Variants in KCTD1 observed in about 807,000 individuals in gnomAD.
KCTD1 encodes the protein BTB/POZ domain-containing protein KCTD1.
In KCTD1, 24 loss-of-function variants were observed where a neutral mutation model predicts 66.0. The observed-to-expected ratio is 0.36, with a 90% CI of 0.26 to 0.51. KCTD1 has a LOEUF of 0.51. Among genes scored for constraint, KCTD1 ranks in the 20% least tolerant of loss-of-function variants. The pLI is 0.95. For synonymous variants in KCTD1, 511 were observed against 517.2 expected (o/e 0.99, Z 0.16); for missense variants, 943 against 1,205.2 (o/e 0.78, Z 3.22).
At chr18:26,624,366 A>C (rs1023236391) in intron 1 of KCTD1, among the ~76,000 whole-genome samples, 3 of 152,190 alleles carry the variant, frequency 2.0e-5, no homozygotes, top group Admixed American at 2.0e-4. Flanking sequence ...CCAGAGGCCT[A>C]AGAGGGAAAA....
At chr18:26,634,172 T>C (rs1013604547), upstream of KCTD1, among the ~76,000 whole-genome samples, 3 of 151,920 alleles carry the variant, frequency 2.0e-5, no homozygotes, top group African/African-American at 7.3e-5. Flanking sequence ...TTATTCAGGG[T>C]GGCAAAAAAG....
At chr18:26,591,171 A>G (rs1986593381) in intron 1 of KCTD1, among the ~76,000 whole-genome samples, 1 of 152,044 alleles carries the variant, frequency 6.6e-6, no homozygotes, top group South Asian at 2.1e-4. Flanking sequence ...AACTACAAGT[A>G]CATACCACTA....
At chr18:26,626,397 T>C (rs541501211) in intron 1 of KCTD1, among the ~76,000 whole-genome samples, 2 of 150,688 alleles carry the variant, frequency 1.3e-5, no homozygotes, top group African/African-American at 4.9e-5. Context: ...AACAACAAAA[T>C]GATAGAGACA....
At chr18:26,597,100 G>A (rs932094483) in intron 1 of KCTD1, among the ~76,000 whole-genome samples, 4 of 152,130 alleles carry the variant, frequency 2.6e-5, no homozygotes, top group Non-Finnish European at 5.9e-5. Context: ...CTTGTTGTAG[G>A]AATAGGAGTC....
At position 26,554,969 on chromosome 18, in the gene KCTD1, T is replaced by C. The variant is rs149078872; in HGVS notation, c.-15-53719A>G. Among the ~76,000 whole-genome samples, 825 of 152,330 alleles carry C rather than the reference T, an allele frequency of 5.4e-3. 6 individuals carry two copies. The highest frequency in any genetic ancestry group is 7.0e-3 in the Non-Finnish European group (479 of 68,026). On this transcript the variant is annotated intron_variant, in intron 1 of 4. Transcript: ENST00000317932. ...AGAATGATAGTCATTTCTTTCTCTA[T>C]CTTCTAGTTGTATATATTGGTAAAA...
At chr18:26,501,027 A>G in intron 2 of KCTD1, 45 bp downstream of exon 2, 1 of 1,592,250 alleles carries the variant, frequency 6.3e-7, no homozygotes, top group Non-Finnish European at 8.6e-7. Context: ...ACAGGTTACC[A>G]AATACATGCA....
At chr18:26,460,040 A>G (rs1436168703) in intron 3 of KCTD1, 115 bp from the exon 4 acceptor site, 12 of 769,764 alleles carry the variant, frequency 1.6e-5, no homozygotes, top group Non-Finnish European at 2.3e-5. Context: ...TCAAATCTGC[A>G]TGTGCGTTTT....
In KCTD1 at chr18:26,543,892, T is replaced by C. The variant is rs111253379; in HGVS notation, c.1809+2836A>G. 2.0e-5 allele frequency: 3 copies of C among 152,362 alleles called. No individual in the cohort carries two copies. In the South Asian group the frequency reaches 6.2e-4, roughly 32 times the overall value. 9.4% of individuals were successfully genotyped at this position (152,362 alleles called of 1,614,324 possible). A position where few individuals can be genotyped will look rare whatever the true frequency, so the allele number is the denominator to read the frequency against. On this transcript the variant is annotated intron_variant, in intron 1 of 4. Coordinates refer to ENST00000580059, the MANE Select transcript of KCTD1 (RefSeq NM_001142730.3). ...ACATTCAGAATCTAAACTTTATTAG[T>C]ATTTTCTCCTCTGAGAATGATAAAG...
At chr18:26,646,675 T>C (rs1393482118) in intron 1 of KCTD1, among the ~76,000 whole-genome samples, 7 of 152,204 alleles carry the variant, frequency 4.6e-5, no homozygotes, top group Admixed American at 4.6e-4. Flanking sequence ...AATCTCAGCC[T>C]AAAATCTAAA....
At chr18:26,643,932 A>C (rs183526457), upstream of KCTD1, among the ~76,000 whole-genome samples, 1 of 152,226 alleles carries the variant, frequency 6.6e-6, no homozygotes, top group Non-Finnish European at 1.5e-5. Context: ...ACTGCACTCC[A>C]GCCTGGGTGA....
intron 1 of KCTD1, among the ~76,000 whole-genome samples, chr18:26,522,343 T>C (rs982026035): frequency 6.6e-6 from 1 of 152,150 alleles, no homozygotes; most frequent in East Asian, 1.9e-4. Context: ...TTGATGTGTC[T>C]ACAAGCCAAG....
intron 1 of KCTD1, among the ~76,000 whole-genome samples, chr18:26,515,168 C>T (rs1598910975): frequency 6.6e-6 from 1 of 152,184 alleles, no homozygotes; most frequent in East Asian, 1.9e-4. Context: ...AATGGAAATG[C>T]ATTAGAAAAC....
chr18:26,550,766 A>C (rs978800807), upstream of KCTD1, among the ~76,000 whole-genome samples: 1 of 152,218 alleles, frequency 6.6e-6, no homozygotes, highest in Non-Finnish European at 1.5e-5. This position sits in a 1 kb window ranked among gnomAD's most constrained non-coding sequence, Gnocchi z 5.4. Flanking sequence ...TGCGGTGAGC[A>C]GCTAAGTTAG....
chr18:26,564,703 G>A (rs998855962), intron 1 of KCTD1, among the ~76,000 whole-genome samples: 1 of 152,092 alleles, frequency 6.6e-6, no homozygotes, highest in Non-Finnish European at 1.5e-5. Context: ...CAGCCTGATC[G>A]ACATGGTGAA....
At chr18:26,572,526 G>A (rs958253390) in intron 1 of KCTD1, among the ~76,000 whole-genome samples, 21 of 152,198 alleles carry the variant, frequency 1.4e-4, no homozygotes, top group Admixed American at 1.2e-3. Context: ...AGAGTTATCA[G>A]AAGAGCTAAG....
chr18:26,504,065 T>C (rs562536487), intron 1 of KCTD1, among the ~76,000 whole-genome samples: 2 of 152,318 alleles, frequency 1.3e-5, no homozygotes, highest in East Asian at 3.9e-4. Flanking sequence ...TGGGGCAGAT[T>C]GTAAGAACTT....
At chr18:26,634,259 C>T (rs1265574868) in intron 1 of KCTD1, among the ~76,000 whole-genome samples, 2 of 152,018 alleles carry the variant, frequency 1.3e-5, no homozygotes, top group East Asian at 3.9e-4. Context: ...TAGCACACTG[C>T]CAAGGAAAAA....
At chr18:26,558,713 A>G (rs1985769350) in intron 1 of KCTD1, among the ~76,000 whole-genome samples, 1 of 152,076 alleles carries the variant, frequency 6.6e-6, no homozygotes, top group South Asian at 2.1e-4. Context: ...CACGAGGTCA[A>G]GAGATCGAGA....
chr18:26,528,923 T>C (rs1379290518), intron 1 of KCTD1, among the ~76,000 whole-genome samples: 1 of 152,218 alleles, frequency 6.6e-6, no homozygotes, highest in Non-Finnish European at 1.5e-5. Flanking sequence ...CTTCTGTCAC[T>C]GTAATTTCTT....
Sources: gnomAD v4.1 joint callset for allele counts (sites outside exome capture counted in the v4.1 genomes callset) on GRCh38, gnomAD v4.1.1 for gene constraint, Gnocchi (gnomAD v3.1) non-coding constraint, MANE v1.5 for transcripts, NCBI Gene and HGNC (gene_info 2026-07-23, HGNC 2026-07-21) for gene names.